The following CEP57L1 variants were observed in gnomAD, a reference collection of about 807,000 sequenced individuals.
CEP57L1 encodes the protein centrosomal protein CEP57L1.
A neutral mutation model predicts 61.0 loss-of-function variants in CEP57L1; 37 were observed. The ratio of observed to expected loss-of-function variants is 0.61; its 90% confidence interval spans 0.47 to 0.80. The LOEUF is 0.80. Among genes scored for constraint, CEP57L1 ranks in the 30% least tolerant of loss-of-function variants. The probability of loss-of-function intolerance (pLI) is 0.00; values close to 1 mark genes in which losing one functional copy is unlikely to be tolerated. For synonymous variants in CEP57L1, 137 were observed against 162.3 expected (o/e 0.84, Z 1.19); for missense variants, 422 against 524.7 (o/e 0.80, Z 1.91).
In CEP57L1 at chr6:109,112,672, A is replaced by T. The variant is rs1771803711; in HGVS notation, c.-4+17097A>T. ...TAGTGCTATACATTTCCCCCTACAC[A>T]TTCCTTTAAATATGTCACAGAGATT... On this transcript the variant is annotated intron_variant, in intron 1 of 10. Transcript: ENST00000517392. Among the ~76,000 whole-genome samples the T allele has an allele frequency of 2.0e-5, 3 of 152,246 alleles. No homozygotes were observed. In the South Asian group the frequency reaches 6.2e-4, roughly 32 times the overall value.
At position 109,145,208 on chromosome 6, in the gene CEP57L1, A is replaced by T; in HGVS notation, c.-3-11A>T. 2 of 1,486,634 alleles carry T rather than the reference A, an allele frequency of 1.3e-6. No individual in the cohort carries two copies. Among genetic ancestry groups the T allele is most frequent in the South Asian group, 2.5e-5 (2 of 80,140 alleles). 92.1% of individuals were successfully genotyped at this position (1,486,634 alleles called of 1,614,324 possible). A position where few individuals can be genotyped will look rare whatever the true frequency, so the allele number is the denominator to read the frequency against. ...AAGCATGATACTATATCATTCCTTT[A>T]TTCTCTACAGATAATGGATTCTGAA... is the stretch of plus-strand genomic sequence containing the variant. On this transcript the variant is annotated splice_polypyrimidine_tract_variant and intron_variant, in intron 1 of 10. Transcript: ENST00000517392.
chr6:109,135,960 G>A (rs1480295289), intron 1 of CEP57L1, among the ~76,000 whole-genome samples: 5 of 152,194 alleles, frequency 3.3e-5, no homozygotes, highest in Non-Finnish European at 7.3e-5. Context: ...CTTTTACACT[G>A]TTGGTGGGAC....
intron 1 of CEP57L1, among the ~76,000 whole-genome samples, chr6:109,138,412 G>C (rs1364227911): frequency 1.3e-5 from 2 of 152,110 alleles, no homozygotes; most frequent in Non-Finnish European, 2.9e-5. Flanking sequence ...GATTCAACAT[G>C]GGATGTGAGA....
In CEP57L1 at chr6:109,167,543, G is replaced by A. The variant is rs1400237747; in HGVS notation, c.*4573G>A. 2.0e-5 allele frequency among the ~76,000 whole-genome samples: 3 copies of A among 152,102 alleles called. No homozygotes were observed. The highest frequency in any genetic ancestry group is 2.9e-5 in the Non-Finnish European group (2 of 68,022). ...CTAAAAATAAAAAAAAATTAGCTGG[G>A]TGTGGTAGCATGCAGTCCAGCTACT... On this transcript the variant is annotated 3_prime_UTR_variant, in exon 11 of 11. Coordinates refer to ENST00000517392, the MANE Select transcript of CEP57L1 (RefSeq NM_001271852.3).
chr6:109,126,563 A>G (rs1267110423), intron 1 of CEP57L1, among the ~76,000 whole-genome samples: 1 of 152,112 alleles, frequency 6.6e-6, no homozygotes, highest in Non-Finnish European at 1.5e-5. Flanking sequence ...TAAATCAGGA[A>G]CATTTTCTCA....
intron 10 of CEP57L1, among the ~76,000 whole-genome samples, chr6:109,161,315 A>G (rs1773697961): frequency 6.6e-6 from 1 of 152,234 alleles, no homozygotes; most frequent in South Asian, 2.1e-4. Flanking sequence ...CAGAAAAATC[A>G]TGGAATGTAA....
At chr6:109,157,141 A>T (rs1773294643) in intron 7 of CEP57L1, 1 of 152,178 alleles carries the variant, frequency 6.6e-6, no homozygotes, top group East Asian at 1.9e-4. Flanking sequence ...CTGGAAGAGA[A>T]GAGAGTAATT....
chr6:109,114,456 C>A (rs1317768740), intron 1 of CEP57L1, among the ~76,000 whole-genome samples: 2 of 151,374 alleles, frequency 1.3e-5, no homozygotes, highest in African/African-American at 4.9e-5. Flanking sequence ...TGGGTGTTAG[C>A]CCCTCATGTA....
chr6:109,173,202 T>C lies in CEP57L1; in HGVS notation c.*10232T>C, dbSNP rs557268303. On this transcript the variant is annotated 3_prime_UTR_variant, in exon 11 of 11. Transcript: ENST00000517392. ...TGTACTTTTTAATTGTGTCATTTTC[T>C]ACAGTATTATTTTTGCATTTTCCTG... Among the ~76,000 whole-genome samples, 2 of 152,334 alleles carry C rather than the reference T, an allele frequency of 1.3e-5. No homozygotes were observed. Among genetic ancestry groups the C allele is most frequent in the Admixed American group, 1.3e-4 (2 of 15,298 alleles).
chr6:109,136,408 C>T (rs1770685388), intron 1 of CEP57L1, among the ~76,000 whole-genome samples: 1 of 152,084 alleles, frequency 6.6e-6, no homozygotes, highest in Non-Finnish European at 1.5e-5. Flanking sequence ...CACACCGGGG[C>T]CTGTTGTAGG....
chr6:109,104,792 G>T (rs1770730831), intron 1 of CEP57L1, among the ~76,000 whole-genome samples: 1 of 151,766 alleles, frequency 6.6e-6, no homozygotes, highest in South Asian at 2.1e-4. Flanking sequence ...TCACAGTATT[G>T]CCCAGGCTGA....
chr6:109,108,701 T>G (rs1458659148), intron 1 of CEP57L1, among the ~76,000 whole-genome samples: 5 of 152,202 alleles, frequency 3.3e-5, no homozygotes, highest in Non-Finnish European at 7.4e-5. Context: ...ATTCTGTTAC[T>G]CAATTTTACC....
At position 109,155,813 on chromosome 6, in the gene CEP57L1, G is replaced by A; in HGVS notation, c.680G>A (p.Ser227Asn). The change falls in exon 7 of 11, where the codon AGT (serine) becomes AAT (asparagine). Residue 227 changes from serine to asparagine, a missense_variant. Coordinates refer to ENST00000517392, the MANE Select transcript of CEP57L1 (RefSeq NM_001271852.3). ...CAGCTTCAAACTGGACTTGAAATCA[G>A]TAAAATTATAATGTCTTCAGTTTCA... ...ASELQTGLEI[S>N]KIIMSSVSNL... 2 of 1,567,908 alleles carry A rather than the reference G, an allele frequency of 1.3e-6. No homozygotes were observed. Among genetic ancestry groups the A allele is most frequent in the Admixed American group, 1.7e-5 (1 of 58,324 alleles).
intron 1 of CEP57L1, among the ~76,000 whole-genome samples, chr6:109,108,148 T>C (rs893743704): frequency 1.3e-5 from 2 of 152,070 alleles, no homozygotes; most frequent in Non-Finnish European, 2.9e-5. Context: ...TGAATCTAAA[T>C]GTAATGCCCC....
chr6:109,146,649 T>G (rs1013093376), intron 2 of CEP57L1, 109 bp from the exon 3 acceptor site: 1 of 695,998 alleles, frequency 1.4e-6, no homozygotes, highest in Non-Finnish European at 2.3e-6. Context: ...TACTTGTACA[T>G]TTTTCTGGCT....
At chr6:109,136,332 G>A (rs1210391123) in intron 1 of CEP57L1, among the ~76,000 whole-genome samples, 3 of 152,046 alleles carry the variant, frequency 2.0e-5, no homozygotes, top group Admixed American at 6.6e-5. Flanking sequence ...ACCAAAGACC[G>A]CATGTTCTCA....
chr6:109,145,139 T>G, intron 1 of CEP57L1, 80 bp from the exon 2 acceptor site: 1 of 846,068 alleles, frequency 1.2e-6, no homozygotes, highest in South Asian at 3.3e-5. Context: ...GTTTTTAAAG[T>G]TTCACCTGAA....
At chr6:109,102,433 AT>A (rs1463901583) in intron 1 of CEP57L1, among the ~76,000 whole-genome samples, 2 of 152,066 alleles carry the variant, frequency 1.3e-5, no homozygotes, top group Non-Finnish European at 2.9e-5. Flanking sequence ...TTTTGTAAAT[AT>A]TTTCTCCAAG....
In CEP57L1 at chr6:109,112,228, G is replaced by A. The variant is rs541114831; in HGVS notation, c.-4+16653G>A. Reference sequence around the variant, plus strand: ...CTGTTATTGGTCTATTCCGGGATTCGACTTCTTCCTGGTTTAGTCTTGGGA... The same window carrying A: ...CTGTTATTGGTCTATTCCGGGATTCAACTTCTTCCTGGTTTAGTCTTGGGA... On this transcript the variant is annotated intron_variant, in intron 1 of 10. Coordinates refer to ENST00000517392, the MANE Select transcript of CEP57L1 (RefSeq NM_001271852.3). Among the ~76,000 whole-genome samples the A allele has an allele frequency of 2.2e-4, 33 of 152,100 alleles. No individual in the cohort carries two copies. In the East Asian group the frequency reaches 6.0e-3, roughly 28 times the overall value.
Sources: gnomAD v4.1 joint callset for allele counts (sites outside exome capture counted in the v4.1 genomes callset) on GRCh38, gnomAD v4.1.1 for gene constraint, MANE v1.5 for transcripts, NCBI Gene and HGNC (gene_info 2026-07-23, HGNC 2026-07-21) for gene names.